The following NHERF1 variants were observed in gnomAD, a reference collection of about 807,000 sequenced individuals.
NHERF1 encodes the protein Na(+)/H(+) exchange regulatory cofactor NHE-RF1.
the NHERF1 span, chr17:74,749,388 T>A: frequency 8.4e-7 from 1 of 1,188,506 alleles, no homozygotes; most frequent in Non-Finnish European, 1.1e-6. The surrounding 1 kb of genome is among the most constrained non-coding windows in gnomAD (Gnocchi z 5.6). Flanking sequence ...CCGTCGTTTT[T>A]CTGAAACTCG....
the NHERF1 span, chr17:74,762,083 C>G: frequency 4.3e-6 from 7 of 1,614,142 alleles, no homozygotes; most frequent in Non-Finnish European, 5.9e-6. This position sits in a 1 kb window ranked among gnomAD's most constrained non-coding sequence, Gnocchi z 4.2. Flanking sequence ...TGCACAGCGA[C>G]AAGTCCAAGC....
the NHERF1 span, among the ~76,000 whole-genome samples, chr17:74,752,810 T>A: frequency 6.6e-6 from 1 of 152,392 alleles, no homozygotes; most frequent in East Asian, 1.9e-4. Context: ...TTTAATCATC[T>A]GTTTGTGACC....
the NHERF1 span, among the ~76,000 whole-genome samples, chr17:74,763,837 C>A: frequency 6.6e-6 from 1 of 152,338 alleles, no homozygotes; most frequent in East Asian, 1.9e-4. Flanking sequence ...CAGTCCTGTC[C>A]CCACCAGCAG....
chr17:74,756,098 C>A, the NHERF1 span, among the ~76,000 whole-genome samples: 1 of 149,842 alleles, frequency 6.7e-6, no homozygotes, highest in East Asian at 2.0e-4. Flanking sequence ...TGCACCACCA[C>A]GCCCAGCTGA....
chr17:74,753,802 C>G, the NHERF1 span, among the ~76,000 whole-genome samples: 1 of 152,024 alleles, frequency 6.6e-6, no homozygotes, highest in South Asian at 2.1e-4. Context: ...GGTCCTTCTC[C>G]CCTTTCCCAG....
chr17:74,768,578 G>T, the NHERF1 span: 38 of 1,614,048 alleles, frequency 2.4e-5, no homozygotes, highest in Non-Finnish European at 3.2e-5. Context: ...CCAAAGAGAG[G>T]GCCCACCAGA....
At chr17:74,749,759 A>G in the NHERF1 span, among the ~76,000 whole-genome samples, 1 of 152,108 alleles carries the variant, frequency 6.6e-6, no homozygotes, top group Non-Finnish European at 1.5e-5. This position sits in a 1 kb window ranked among gnomAD's most constrained non-coding sequence, Gnocchi z 5.6. Context: ...GAGGAATAGC[A>G]TTACTCCTCC....
the NHERF1 span, among the ~76,000 whole-genome samples, chr17:74,756,627 C>T: frequency 6.6e-6 from 1 of 152,176 alleles, no homozygotes; most frequent in Non-Finnish European, 1.5e-5. Context: ...ACATTCCACA[C>T]ATGGCTGGCA....
At chr17:74,749,320 G>A in the NHERF1 span, 1 of 1,507,658 alleles carries the variant, frequency 6.6e-7, no homozygotes, top group Non-Finnish European at 8.8e-7. This position sits in a 1 kb window ranked among gnomAD's most constrained non-coding sequence, Gnocchi z 5.6. Flanking sequence ...AGGCTGGCAT[G>A]GAGTGGGAGG....
chr17:74,755,540 C>T, the NHERF1 span, among the ~76,000 whole-genome samples: 1 of 152,228 alleles, frequency 6.6e-6, no homozygotes, highest in East Asian at 1.9e-4. Context: ...GTCCAGGTCA[C>T]CTCGGGGTGG....
the NHERF1 span, chr17:74,748,852 C>G: frequency 6.3e-7 from 1 of 1,592,308 alleles, no homozygotes; most frequent in East Asian, 2.2e-5. This position sits in a 1 kb window ranked among gnomAD's most constrained non-coding sequence, Gnocchi z 4.3. Context: ...GCGAGATGAG[C>G]GCGGACGCAG....
At chr17:74,751,798 G>A in the NHERF1 span, among the ~76,000 whole-genome samples, 8 of 152,240 alleles carry the variant, frequency 5.3e-5, 1 homozygote, top group South Asian at 6.2e-4. The surrounding 1 kb of genome is among the most constrained non-coding windows in gnomAD (Gnocchi z 4.3). Flanking sequence ...AGTGCCGGCC[G>A]GGCAGAGCCG....
the NHERF1 span, chr17:74,748,648 A>C: frequency 3.9e-6 from 2 of 512,262 alleles, no homozygotes; most frequent in Non-Finnish European, 6.9e-6. This position sits in a 1 kb window ranked among gnomAD's most constrained non-coding sequence, Gnocchi z 4.3. Flanking sequence ...CGGGGCGGGG[A>C]TTGGTCTGTG....
chr17:74,762,709 C>G, the NHERF1 span, among the ~76,000 whole-genome samples: 1 of 152,144 alleles, frequency 6.6e-6, no homozygotes, highest in Non-Finnish European at 1.5e-5. The surrounding 1 kb of genome is among the most constrained non-coding windows in gnomAD (Gnocchi z 4.2). Flanking sequence ...AGGTGCCCAC[C>G]ACCACGCCTG....
chr17:74,752,385 A>G, the NHERF1 span, among the ~76,000 whole-genome samples: 1 of 151,712 alleles, frequency 6.6e-6, no homozygotes, highest in African/African-American at 2.4e-5. Flanking sequence ...CCAGGGTCCG[A>G]ATTCCCCTCT....
chr17:74,748,737 A>T, the NHERF1 span: 5 of 1,013,242 alleles, frequency 4.9e-6, no homozygotes, highest in African/African-American at 1.6e-5. The surrounding 1 kb of genome is among the most constrained non-coding windows in gnomAD (Gnocchi z 4.3). Flanking sequence ...CCGGCGGCTC[A>T]GGGCTTCTCT....
the NHERF1 span, among the ~76,000 whole-genome samples, chr17:74,763,696 A>G: frequency 2.0e-5 from 3 of 152,088 alleles, no homozygotes; most frequent in African/African-American, 7.2e-5. Context: ...GCGGGGGCCT[A>G]GTGTAGGGAG....
the NHERF1 span, among the ~76,000 whole-genome samples, chr17:74,767,537 G>T: frequency 6.1e-4 from 93 of 152,340 alleles, no homozygotes; most frequent in Non-Finnish European, 1.1e-3. Flanking sequence ...ACTCTGCAGG[G>T]TCTGCTTAAA....
chr17:74,768,808 C>T, the NHERF1 span: 2 of 694,534 alleles, frequency 2.9e-6, no homozygotes, highest in Middle Eastern at 2.4e-4. Context: ...CTATGTTCTT[C>T]CCTGACTTTA....
Sources: gnomAD v4.1 joint callset for allele counts (sites outside exome capture counted in the v4.1 genomes callset) on GRCh38, gnomAD v4.1.1 for gene constraint, Gnocchi (gnomAD v3.1) non-coding constraint, MANE v1.5 for transcripts, NCBI Gene and HGNC (gene_info 2026-07-23, HGNC 2026-07-21) for gene names.